GALNS: variants seen among roughly 807,000 people sequenced by gnomAD.
GALNS encodes galactosamine (N-acetyl)-6-sulfatase, also known as N-acetylgalactosamine-6-sulfatase.
In GALNS, 65 loss-of-function variants were observed where a neutral mutation model predicts 65.9. That is an observed-to-expected ratio of 0.99 (90% CI 0.81 to 1.21). The LOEUF is 1.21. Ranked by LOEUF, GALNS falls within the 50% of genes most tolerant of loss-of-function variation. The pLI is 0.00. For missense variants in GALNS, 776 were observed against 700.7 expected, an observed-to-expected ratio of 1.11 and a Z score of -1.21; for synonymous variants, 346 against 288.9, an observed-to-expected ratio of 1.20 and a Z score of -2.00.
rs781525725 is a variant in GALNS, at chr16:88,835,244, G to A, written c.867C>T (p.Asn289=). 9.4e-6 allele frequency: 15 copies of A among 1,602,794 alleles called. 1 individual carries two copies. The highest frequency in any genetic ancestry group is 3.3e-4 in the Middle Eastern group (2 of 6,068). ...CGGGGGCGGAAATGAGGGCAGCGCC[G>A]TTGTCCGACGTGAAGAAGACGAAGG... The part of the protein sequence containing the change: ...DNTFVFFTSD[N]GAALISAPEQ... Residue 289 remains asparagine (N), a synonymous_variant, in exon 8 of 14, where the codon AAC becomes AAT. Transcript: ENST00000268695.
chr16:88,840,942 A>G (rs1966936285), intron 4 of GALNS, 50 bp downstream of exon 4: 1 of 1,430,898 alleles, frequency 7.0e-7, no homozygotes, highest in African/African-American at 1.4e-5. Context: ...AACCAAGGCC[A>G]GGAAGTGGAT....
intron 1 of GALNS, among the ~76,000 whole-genome samples, chr16:88,849,669 C>A (rs1258659649): frequency 1.3e-5 from 2 of 152,178 alleles, no homozygotes; most frequent in South Asian, 2.1e-4. Context: ...AGCAGTCCAC[C>A]CGCCTCCACC....
At chr16:88,827,077 T>G (rs566200472) in intron 9 of GALNS, 1 of 592,946 alleles carries the variant, frequency 1.7e-6, no homozygotes, top group East Asian at 2.8e-5. Flanking sequence ...GGCACCCTTC[T>G]CTGCCTCTGT....
intron 7 of GALNS, 114 bp downstream of exon 7, chr16:88,835,611 G>A: frequency 6.6e-7 from 1 of 1,512,122 alleles, no homozygotes; most frequent in East Asian, 2.3e-5. Flanking sequence ...GGGTGGGGTT[G>A]CTCTGGCCTT....
Position 88,818,066 on chromosome 16 carries a change from G to T in GALNS, c.1423C>A (p.His475Asn), listed in dbSNP as rs749297663. ...TGCGCGGGGACCAAGGCCTCCTGGT[G>T]CTGCTGGACGACCGAGGTGATCCTG... ...LSRITSVVQQ[H>N]QEALVPAQPQ... Residue 475 changes from histidine to asparagine, a missense_variant, in exon 13 of 14, where the codon CAC becomes AAC. His to Asn is a moderately conservative substitution (Grantham distance 68). Transcript: ENST00000268695. The T allele has an allele frequency of 6.3e-7, 1 of 1,576,378 alleles. No individual in the cohort carries two copies. The highest frequency in any genetic ancestry group is 1.8e-5 in the Admixed American group (1 of 54,996).
intron 12 of GALNS, among the ~76,000 whole-genome samples, chr16:88,822,261 G>C (rs575381557): frequency 2.0e-5 from 3 of 152,274 alleles, no homozygotes; most frequent in South Asian, 4.1e-4. Flanking sequence ...CTGTGTCCTT[G>C]TACCTCCTAC....
chr16:88,822,836 G>A, intron 11 of GALNS, 126 bp from the exon 12 acceptor site: 1 of 1,429,808 alleles, frequency 7.0e-7, no homozygotes. Context: ...GTGTCCTGGA[G>A]CCCCTAACTG....
At chr16:88,855,313 G>A (rs1567548413) in intron 1 of GALNS, 2 of 700,076 alleles carry the variant, frequency 2.9e-6, no homozygotes, top group African/African-American at 1.8e-5. Context: ...GCGAAGCTAT[G>A]CTGGCCCAGA....
intron 12 of GALNS, among the ~76,000 whole-genome samples, chr16:88,821,494 C>A (rs561649628): frequency 6.6e-6 from 1 of 152,300 alleles, no homozygotes; most frequent in African/African-American, 2.4e-5. Context: ...TGCTGCCTTC[C>A]CGCAGTCACC....
At chr16:88,840,931 G>A in intron 4 of GALNS, 61 bp downstream of exon 4, 3 of 1,356,664 alleles carry the variant, frequency 2.2e-6, no homozygotes, top group South Asian at 2.3e-5. Context: ...ATGTCCCTTG[G>A]AACCAAGGCC....
At position 88,849,452 on chromosome 16, in the gene GALNS, T is replaced by G. The variant is rs193019998; in HGVS notation, c.121-6623A>C. Among the ~76,000 whole-genome samples, 1,387 of 152,176 alleles carry G rather than the reference T, an allele frequency of 9.1e-3. 16 individuals carry two copies. Among genetic ancestry groups the G allele is most frequent in the Non-Finnish European group, 0.015 (1,008 of 67,982 alleles). On this transcript the variant is annotated intron_variant, in intron 1 of 13. Transcript: ENST00000268695. ...GGCACCCACCACCAAGCTCATCTAA[T>G]TTTTGTATTTTTTTTATAGAGATGG...
rs528256549 is a variant in GALNS, at chr16:88,814,859, A to G, written c.1483-334T>C. On this transcript the variant is annotated intron_variant, in intron 13 of 13. Coordinates refer to ENST00000268695, the MANE Select transcript of GALNS (RefSeq NM_000512.5). ...CGTGATCCACCTGCCTTGGCCTCCC[A>G]AGGTGCTGGGATTACAGGTGTGAGC... Among the ~76,000 whole-genome samples the G allele has an allele frequency of 2.0e-5, 3 of 152,196 alleles. No individual in the cohort carries two copies. In the East Asian group the frequency reaches 5.8e-4, roughly 29 times the overall value.
chr16:88,852,166 G>A (rs1173991416), intron 1 of GALNS, among the ~76,000 whole-genome samples: 2 of 152,206 alleles, frequency 1.3e-5, no homozygotes, highest in Non-Finnish European at 2.9e-5. Context: ...TCCAGAAGAA[G>A]GATCAGGCAG....
chr16:88,830,177 G>C (rs557343506), intron 9 of GALNS, among the ~76,000 whole-genome samples: 6 of 145,540 alleles, frequency 4.1e-5, no homozygotes, highest in African/African-American at 1.6e-4. Context: ...GTTGCAGTGA[G>C]CCGAGATTGC....
intron 4 of GALNS, among the ~76,000 whole-genome samples, chr16:88,839,775 G>A (rs117423375): frequency 0.059 from 8,971 of 152,286 alleles, 376 homozygotes; most frequent in Middle Eastern, 0.13. Flanking sequence ...CTCTCCCGTC[G>A]ACAGCTGTTC....
At chr16:88,833,962 C>T (rs1370879146) in intron 8 of GALNS, among the ~76,000 whole-genome samples, 3 of 152,336 alleles carry the variant, frequency 2.0e-5, no homozygotes, top group African/African-American at 7.2e-5. Flanking sequence ...TGGGTGCTGG[C>T]GTCGAGGTGG....
intron 11 of GALNS, 31 bp from the exon 12 acceptor site, chr16:88,822,741 G>A (rs1451596162): frequency 6.2e-7 from 1 of 1,608,702 alleles, no homozygotes; most frequent in Non-Finnish European, 8.5e-7. Context: ...GTGTGTCCTG[G>A]AGCCCCTGAC....
intron 1 of GALNS, among the ~76,000 whole-genome samples, chr16:88,847,951 C>G (rs1190857818): frequency 6.6e-6 from 1 of 152,248 alleles, no homozygotes; most frequent in Non-Finnish European, 1.5e-5. Context: ...CCCGGATGCC[C>G]ATCCATGGGT....
rs571116625 is a variant in GALNS at position 88,817,339 on chromosome 16, G to A, written c.1482+668C>T. On this transcript the variant is annotated intron_variant, in intron 13 of 13. Transcript: ENST00000268695. ...TTGTGTTTCTGGCCGATGCTGGCGTGATGAGGCCGTTTCTCTACTGGAGGT... is the reference window on the plus strand; with the variant it reads ...TTGTGTTTCTGGCCGATGCTGGCGTAATGAGGCCGTTTCTCTACTGGAGGT... The A allele has an allele frequency of 6.6e-4, 655 of 985,458 alleles. 7 individuals are homozygous for A. The South Asian group carries it at 0.025, about 38-fold the overall frequency. 61.0% of individuals were successfully genotyped at this position (985,458 alleles called of 1,614,324 possible). A position where few individuals can be genotyped will look rare whatever the true frequency, so the allele number is the denominator to read the frequency against.
Sources: allele counts gnomAD v4.1 joint callset (sites outside exome capture counted in the v4.1 genomes callset), GRCh38; gene constraint gnomAD v4.1.1; transcripts MANE v1.5; gene names NCBI Gene and HGNC (gene_info 2026-07-23, HGNC 2026-07-21).